The following BCHE variants were observed in gnomAD, a reference collection of about 807,000 sequenced individuals.
The protein encoded by BCHE is butyrylcholinesterase, also known as cholinesterase.
Under a neutral mutation model 51.3 loss-of-function variants are expected in BCHE, and 48 were observed. The ratio of observed to expected loss-of-function variants is 0.94; its 90% confidence interval spans 0.74 to 1.19. The LOEUF is 1.19. Among genes scored for constraint, BCHE ranks in the 50% most tolerant of loss-of-function variants. The pLI, the probability that BCHE is intolerant of heterozygous loss-of-function variation, is 0.00. For missense variants in BCHE, 847 were observed against 708.2 expected (o/e 1.20, Z -2.23); for synonymous variants, 251 against 238.0 (o/e 1.05, Z -0.50).
intron 2 of BCHE, among the ~76,000 whole-genome samples, chr3:165,803,826 G>C (rs1713760134): frequency 6.6e-6 from 1 of 152,148 alleles, no homozygotes; most frequent in Non-Finnish European, 1.5e-5. Context: ...AAATACTTAA[G>C]TAGATACGTA....
chr3:165,831,129 G>A (rs1714968208), intron 1 of BCHE, 88 bp from the exon 2 acceptor site: 21 of 1,164,158 alleles, frequency 1.8e-5, no homozygotes, highest in South Asian at 1.7e-4. Flanking sequence ...AAATATAGTC[G>A]TTAGTAATTC....
At chr3:165,836,779 T>C (rs76449587) in intron 1 of BCHE, among the ~76,000 whole-genome samples, 10,053 of 152,200 alleles carry the variant, frequency 0.066, 417 homozygotes, top group African/African-American at 0.11. Context: ...TTTGTTTTTA[T>C]TTACATAAAA....
intron 1 of BCHE, among the ~76,000 whole-genome samples, chr3:165,837,074 A>G (rs933276313): frequency 2.0e-5 from 3 of 152,194 alleles, no homozygotes; most frequent in African/African-American, 7.2e-5. Context: ...AGAGTTGAAT[A>G]AATTCATTAT....
chr3:165,805,033 C>T (rs1713819786), intron 2 of BCHE, among the ~76,000 whole-genome samples: 1 of 151,988 alleles, frequency 6.6e-6, no homozygotes, highest in African/African-American at 2.4e-5. Flanking sequence ...GATGCTAAAA[C>T]ATATTCAATG....
chr3:165,815,923 A>G (rs939655015), intron 2 of BCHE, among the ~76,000 whole-genome samples: 6 of 151,924 alleles, frequency 3.9e-5, no homozygotes, highest in Non-Finnish European at 5.9e-5. Flanking sequence ...CTTTCTTGTC[A>G]TGCAATTAGA....
intron 2 of BCHE, among the ~76,000 whole-genome samples, chr3:165,805,011 G>A (rs1713819460): frequency 6.6e-6 from 1 of 152,142 alleles, no homozygotes; most frequent in East Asian, 1.9e-4. Context: ...TAGATAGAAG[G>A]AAAGTAAGCT....
At chr3:165,832,341 A>G (rs1715020688) in intron 1 of BCHE, among the ~76,000 whole-genome samples, 1 of 152,124 alleles carries the variant, frequency 6.6e-6, no homozygotes, top group East Asian at 1.9e-4. Flanking sequence ...TCGCCAAGCT[A>G]GAGTGCAGTG....
At chr3:165,819,224 G>A (rs55702211) in intron 2 of BCHE, among the ~76,000 whole-genome samples, 14,622 of 150,956 alleles carry the variant, frequency 0.097, 770 homozygotes, top group Admixed American at 0.15. Context: ...GATTAAAAGC[G>A]TGCACCACCA....
intron 2 of BCHE, among the ~76,000 whole-genome samples, chr3:165,814,391 T>G (rs1462727872): frequency 6.6e-6 from 1 of 152,050 alleles, no homozygotes; most frequent in East Asian, 1.9e-4. Context: ...AAATACATAG[T>G]TATAGCTTTA....
chr3:165,817,207 C>A (rs540060744), intron 2 of BCHE, among the ~76,000 whole-genome samples: 2 of 152,112 alleles, frequency 1.3e-5, no homozygotes, highest in Admixed American at 1.3e-4. Flanking sequence ...CAAATATTGT[C>A]AGACCTTCCT....
intron 2 of BCHE, among the ~76,000 whole-genome samples, chr3:165,810,602 A>G (rs1335086958): frequency 1.3e-5 from 2 of 152,188 alleles, no homozygotes; most frequent in East Asian, 1.9e-4. Flanking sequence ...ATGATAGGAA[A>G]TATGAAAACA....
At chr3:165,788,997 T>C (rs1446957444) in intron 2 of BCHE, among the ~76,000 whole-genome samples, 2 of 152,184 alleles carry the variant, frequency 1.3e-5, no homozygotes, top group Non-Finnish European at 2.9e-5. Context: ...CTTTGTGAAA[T>C]ACAACATATT....
intron 2 of BCHE, among the ~76,000 whole-genome samples, chr3:165,805,014 A>G (rs188632924): frequency 6.6e-6 from 1 of 152,326 alleles, no homozygotes; most frequent in East Asian, 1.9e-4. Context: ...ATAGAAGGAA[A>G]GTAAGCTAGA....
intron 1 of BCHE, among the ~76,000 whole-genome samples, chr3:165,834,801 A>G (rs1039720692): frequency 6.6e-6 from 1 of 151,746 alleles, no homozygotes; most frequent in African/African-American, 2.4e-5. Context: ...TTTTATTATT[A>G]TTATACTTTA....
At chr3:165,820,833 T>C (rs1443609198) in intron 2 of BCHE, among the ~76,000 whole-genome samples, 1 of 152,042 alleles carries the variant, frequency 6.6e-6, no homozygotes, top group Non-Finnish European at 1.5e-5. Context: ...ATAAGCATGC[T>C]AACATTTAAA....
In BCHE at chr3:165,831,034, A is replaced by G; in HGVS notation, c.-1T>C. ...ATATGATTGTGACTTTGCTATGCAT[A>G]TTGATTTCTGAAAGAGAGGTAAGTA... On this transcript the variant is annotated 5_prime_UTR_variant, in exon 2 of 4. Transcript: ENST00000264381. 1 of 1,609,618 alleles carries G rather than the reference A, an allele frequency of 6.2e-7. No homozygotes were observed. The highest frequency in any genetic ancestry group is 8.5e-7 in the Non-Finnish European group (1 of 1,178,300).
At chr3:165,791,461 AG>A (rs1713161845) in intron 2 of BCHE, among the ~76,000 whole-genome samples, 1 of 152,216 alleles carries the variant, frequency 6.6e-6, no homozygotes, top group African/African-American at 2.4e-5. Flanking sequence ...ACGTAGTGGC[AG>A]AAATTGAAAT....
At chr3:165,800,400 C>T (rs1178206713) in intron 2 of BCHE, among the ~76,000 whole-genome samples, 12 of 151,984 alleles carry the variant, frequency 7.9e-5, no homozygotes, top group Admixed American at 7.9e-4. Context: ...GAATTCCAGG[C>T]CCCAGGGCTA....
chr3:165,807,443 A>G (rs2108218712), intron 2 of BCHE, among the ~76,000 whole-genome samples: 1 of 152,090 alleles, frequency 6.6e-6, no homozygotes, highest in South Asian at 2.1e-4. Context: ...ACAACCAGTT[A>G]CCATCAGCGG....
Sources: allele counts gnomAD v4.1 joint callset (sites outside exome capture counted in the v4.1 genomes callset), GRCh38; gene constraint gnomAD v4.1.1; transcripts MANE v1.5; gene names NCBI Gene and HGNC (gene_info 2026-07-23, HGNC 2026-07-21).